CLIP2: variants seen among roughly 807,000 people sequenced by gnomAD.
CLIP2 encodes CAP-Gly domain-containing linker protein 2.
CLIP2 carries 41 observed loss-of-function variants against 111.7 expected under a neutral mutation model. The observed-to-expected ratio is 0.37, with a 90% CI of 0.29 to 0.48. CLIP2 has a LOEUF of 0.48. Ranked by LOEUF, CLIP2 falls within the 20% of genes least tolerant of loss-of-function variation. The pLI, the probability that CLIP2 is intolerant of heterozygous loss-of-function variation, is 0.99. For missense variants in CLIP2, 1,160 were observed against 1,422.1 expected, an observed-to-expected ratio of 0.82 and a Z score of 2.96; for synonymous variants, 660 against 644.2, an observed-to-expected ratio of 1.02 and a Z score of -0.37.
In CLIP2 at chr7:74,376,918, C is replaced by T. The variant is rs1268626220; in HGVS notation, c.2421+96C>T. On this transcript the variant is annotated intron_variant, in intron 10 of 16. Coordinates refer to ENST00000223398, the MANE Select transcript of CLIP2 (RefSeq NM_003388.5). The surrounding 1 kb of genome is among the most constrained non-coding windows in gnomAD (Gnocchi z 7.1). ...GTTCTGCAGCCCAGGAAGCATTTCC[C>T]TTGTCCCCGAGAGCATGCCTGGGGC... is the stretch of plus-strand genomic sequence containing the variant. The T allele has an allele frequency of 1.6e-6, 2 of 1,240,372 alleles. No homozygotes were observed. Among genetic ancestry groups the T allele is most frequent in the Non-Finnish European group, 2.2e-6 (2 of 918,928 alleles). 76.8% of individuals were successfully genotyped at this position (1,240,372 alleles called of 1,614,324 possible). A position where few individuals can be genotyped will look rare whatever the true frequency, so the allele number is the denominator to read the frequency against.
chr7:74,381,662 A>G (rs569702271), intron 11 of CLIP2: 12 of 454,682 alleles, frequency 2.6e-5, no homozygotes, highest in South Asian at 1.9e-4. Context: ...AAATGGTACC[A>G]TATCTTCCAT....
chr7:74,290,324 C>T (rs1414032143), intron 1 of CLIP2, among the ~76,000 whole-genome samples: 1 of 152,198 alleles, frequency 6.6e-6, no homozygotes, highest in African/African-American at 2.4e-5. Flanking sequence ...GAGATTGAGG[C>T]GGGCGGCTTC....
chr7:74,318,519 C>A (rs958724028), intron 2 of CLIP2, among the ~76,000 whole-genome samples: 2 of 152,116 alleles, frequency 1.3e-5, no homozygotes, highest in Non-Finnish European at 2.9e-5. Flanking sequence ...TCAAGACCAG[C>A]CTGGGCAACA....
intron 2 of CLIP2, among the ~76,000 whole-genome samples, chr7:74,323,628 T>C (rs782168847): frequency 6.6e-6 from 1 of 152,114 alleles, no homozygotes; most frequent in Non-Finnish European, 1.5e-5. Context: ...GGTTTCACCA[T>C]GTTGGCCAGG....
At chr7:74,341,869 A>G (rs1211952669) in intron 3 of CLIP2, among the ~76,000 whole-genome samples, 1 of 152,150 alleles carries the variant, frequency 6.6e-6, no homozygotes, top group African/African-American at 2.4e-5. Flanking sequence ...TACAGGAGAG[A>G]GACCACGAGG....
chr7:74,334,910 C>T (rs1789405886), intron 2 of CLIP2, among the ~76,000 whole-genome samples: 1 of 151,606 alleles, frequency 6.6e-6, no homozygotes, highest in African/African-American at 2.4e-5. Flanking sequence ...ATTGCTTAAA[C>T]CTGGGAGGCG....
intron 1 of CLIP2, among the ~76,000 whole-genome samples, chr7:74,315,263 G>C (rs1051983418): frequency 6.6e-6 from 1 of 152,056 alleles, no homozygotes; most frequent in Non-Finnish European, 1.5e-5. Flanking sequence ...GCGAGAGAGC[G>C]AGAGTCCGTC....
At position 74,353,995 on chromosome 7, in the gene CLIP2, C is replaced by T. The variant is rs1463617123; in HGVS notation, c.794C>T (p.Ala265Val). 1.2e-5 allele frequency: 19 copies of T among 1,611,638 alleles called. No homozygotes were observed. In the East Asian group the frequency reaches 1.8e-4, roughly 15 times the overall value. ...EPLGKNDGAV[A>V]GTRYFQCPPK... is the part of the protein sequence containing the mutation. ...CTTGGGAAGAATGATGGGGCGGTGG[C>T]GGGCACCAGGTATGGTGGGCTTCTT... Residue 265 changes from alanine to valine, a missense_variant, in exon 4 of 17, where the codon GCG (alanine) becomes GTG (valine). Physicochemically the swap from Ala to Val is moderately conservative, Grantham distance 64 (BLOSUM62 0). Transcript: ENST00000223398.
Position 74,317,628 on chromosome 7 carries a change from G to A in CLIP2, c.82G>A (p.Ala28Thr). 2 of 1,525,912 alleles carry A rather than the reference G, an allele frequency of 1.3e-6. No homozygotes were observed. The highest frequency in any genetic ancestry group is 1.3e-5 in the South Asian group (1 of 79,692). 94.5% of individuals were successfully genotyped at this position (1,525,912 alleles called of 1,614,324 possible). A position where few individuals can be genotyped will look rare whatever the true frequency, so the allele number is the denominator to read the frequency against. Reference protein sequence around the residue: ...SPMGRTSTGSASSSAAVAASS... With the variant: ...SPMGRTSTGSTSSSAAVAASS... ...CATGGGCCGGACATCTACTGGGTCA[G>A]CTTCATCCTCGGCGGCGGTGGCCGC... Residue 28 changes from alanine (A) to threonine (T), a missense_variant, in exon 2 of 17, where the codon GCT becomes ACT. Coordinates refer to ENST00000223398, the MANE Select transcript of CLIP2 (RefSeq NM_003388.5).
chr7:74,339,847 G>A (rs1752879602), intron 3 of CLIP2, among the ~76,000 whole-genome samples: 1 of 152,008 alleles, frequency 6.6e-6, no homozygotes, highest in Admixed American at 6.6e-5. Flanking sequence ...CAGCACTTTG[G>A]GAGGCTGAGA....
At chr7:74,351,002 G>A (rs377651824) in intron 3 of CLIP2, among the ~76,000 whole-genome samples, 2 of 79,988 alleles carry the variant, frequency 2.5e-5, no homozygotes, top group South Asian at 4.0e-4. Context: ...AGAAGAAGGA[G>A]AGAAAGAAAG....
chr7:74,384,176 T>A (rs1043851358), intron 11 of CLIP2, among the ~76,000 whole-genome samples: 4 of 151,674 alleles, frequency 2.6e-5, no homozygotes, highest in Non-Finnish European at 5.9e-5. Flanking sequence ...GGTGACAGAG[T>A]GAGACTCCAT....
chr7:74,391,521 T>TA (rs1462879354), intron 13 of CLIP2, among the ~76,000 whole-genome samples: 1 of 151,980 alleles, frequency 6.6e-6, no homozygotes, highest in Non-Finnish European at 1.5e-5. Flanking sequence ...GACTAACAAT[T>TA]AAAAATCAGA....
chr7:74,289,855 G>A (rs1787960831), intron 1 of CLIP2, 121 bp downstream of exon 1: 2 of 152,674 alleles, frequency 1.3e-5, no homozygotes, highest in African/African-American at 4.8e-5. Flanking sequence ...GTCGGGGCGT[G>A]GGCGGGGGCG....
intron 1 of CLIP2, among the ~76,000 whole-genome samples, chr7:74,296,204 A>G (rs187208888): frequency 5.1e-4 from 78 of 152,168 alleles, no homozygotes; most frequent in African/African-American, 1.8e-3. Flanking sequence ...GGCCTCCGAA[A>G]AAAACAACCC....
chr7:74,376,429 C>T lies in CLIP2; in HGVS notation c.2028C>T (p.Ala676=). The T allele has an allele frequency of 6.2e-7, 1 of 1,614,018 alleles. No individual in the cohort carries two copies. Among genetic ancestry groups the T allele is most frequent in the South Asian group, 1.1e-5 (1 of 91,080 alleles). ...NLQAKHDLET[A]MHVKEKEALR... Reference sequence around the variant, plus strand: ...AGGCCAAGCATGACCTGGAGACCGCCATGCACGTGAAGGAGAAGGAGGCCC... The same window carrying T: ...AGGCCAAGCATGACCTGGAGACCGCTATGCACGTGAAGGAGAAGGAGGCCC... The change falls in exon 10 of 17, where the codon GCC becomes GCT. Residue 676 remains alanine (A), a synonymous_variant. Transcript: ENST00000223398. The surrounding 1 kb of genome is among the most constrained non-coding windows in gnomAD (Gnocchi z 7.1).
chr7:74,305,503 T>A lies in CLIP2; in HGVS notation c.-67-11977T>A, dbSNP rs143780549. Among the ~76,000 whole-genome samples, 343 of 152,224 alleles carry A rather than the reference T, an allele frequency of 2.3e-3. 1 individual carries two copies. The highest frequency in any genetic ancestry group is 8.1e-3 in the African/African-American group (335 of 41,546). On this transcript the variant is annotated intron_variant, in intron 1 of 16. Coordinates refer to ENST00000223398, the MANE Select transcript of CLIP2 (RefSeq NM_003388.5). ...CAGGCCTCATTTTGTTTGTTGTTTG[T>A]TTGTTTTTGAGACGGAGTCTCACTT...
chr7:74,394,952 T>C (rs566571375), intron 13 of CLIP2, among the ~76,000 whole-genome samples: 32 of 152,174 alleles, frequency 2.1e-4, no homozygotes, highest in Middle Eastern at 3.2e-3. Context: ...GATGCCCCTC[T>C]GCTGAGTCTC....
intron 1 of CLIP2, among the ~76,000 whole-genome samples, chr7:74,311,339 T>C (rs1788636280): frequency 6.6e-6 from 1 of 152,214 alleles, no homozygotes; most frequent in South Asian, 2.1e-4. Flanking sequence ...TACCATTTTT[T>C]ATTTCCACCA....
Sources: gnomAD v4.1 joint callset for allele counts (sites outside exome capture counted in the v4.1 genomes callset) on GRCh38, gnomAD v4.1.1 for gene constraint, Gnocchi (gnomAD v3.1) non-coding constraint, MANE v1.5 for transcripts, NCBI Gene and HGNC (gene_info 2026-07-23, HGNC 2026-07-21) for gene names.